The following SIPA1L2 variants were observed in gnomAD, a reference collection of about 807,000 sequenced individuals.
SIPA1L2 encodes signal induced proliferation associated 1 like 2.
Under a neutral mutation model 163.9 loss-of-function variants are expected in SIPA1L2, and 56 were observed. The ratio of observed to expected loss-of-function variants is 0.34; its 90% CI spans 0.28 to 0.43. The LOEUF is 0.43. SIPA1L2 is among the 20% of genes least tolerant of loss of function. The pLI is 1.00. For missense variants in SIPA1L2, 1,974 were observed against 2,193.5 expected (o/e 0.90, Z 2.00); for synonymous variants, 877 against 865.7 (o/e 1.01, Z -0.23).
chr1:232,557,294 G>A (rs1658769542), intron 2 of SIPA1L2, among the ~76,000 whole-genome samples: 1 of 152,136 alleles, frequency 6.6e-6, no homozygotes, highest in African/African-American at 2.4e-5. Flanking sequence ...CCATAATGTG[G>A]TTATCAGTCT....
intron 3 of SIPA1L2, among the ~76,000 whole-genome samples, chr1:232,495,279 G>C (rs186359738): frequency 9.9e-5 from 15 of 152,256 alleles, no homozygotes; most frequent in Admixed American, 8.5e-4. Context: ...GATGAAAGGT[G>C]GGGGCCGGGC....
At chr1:232,536,667 A>G (rs1261212810) in intron 2 of SIPA1L2, among the ~76,000 whole-genome samples, 1 of 152,186 alleles carries the variant, frequency 6.6e-6, no homozygotes, top group Non-Finnish European at 1.5e-5. Context: ...CAAACAAACA[A>G]AACGACAGAA....
chr1:232,482,839 C>A (rs1234191636), intron 6 of SIPA1L2, among the ~76,000 whole-genome samples: 1 of 152,218 alleles, frequency 6.6e-6, no homozygotes. Flanking sequence ...CGGCCACACC[C>A]TGACGCTCCC....
At position 232,490,915 on chromosome 1, in the gene SIPA1L2, G is replaced by C; in HGVS notation, c.1765C>G (p.Pro589Ala). Reference protein sequence around the residue: ...IQCLRQASNSPKVSEQLLKLD... With the variant: ...IQCLRQASNSAKVSEQLLKLD... Reference sequence around the variant, plus strand: ...TTGAGCAGCTGCTCTGAGACCTTGGGTGAGTTGGAAGCCTGTCGCAAACAC... The same window carrying C: ...TTGAGCAGCTGCTCTGAGACCTTGGCTGAGTTGGAAGCCTGTCGCAAACAC... The change falls in exon 5 of 23, where the codon CCC becomes GCC. Residue 589 changes from proline to alanine, a missense_variant. Physicochemically the swap from Pro to Ala is conservative, Grantham distance 27 (BLOSUM62 -1). Around this residue, in one of 3 missense-constraint regions of SIPA1L2, gnomAD observed 288 missense variants for 418.9 expected, o/e 0.69. Transcript: ENST00000674635. The C allele has an allele frequency of 2.5e-6, 4 of 1,614,094 alleles. No individual in the cohort carries two copies. The highest frequency in any genetic ancestry group is 3.4e-6 in the Non-Finnish European group (4 of 1,180,006).
At position 232,489,649 on chromosome 1, in the gene SIPA1L2, G is replaced by A. The variant is rs963359359; in HGVS notation, c.1806+1225C>T. Reference sequence around the variant, plus strand: ...CACTTTTAGAATTCTAGCCATCTGCGGTGCCAAATATTCAACTTTAACCAC... The same window carrying A: ...CACTTTTAGAATTCTAGCCATCTGCAGTGCCAAATATTCAACTTTAACCAC... On this transcript the variant is annotated intron_variant, in intron 5 of 22. Transcript: ENST00000674635. Among the ~76,000 whole-genome samples, 7 of 151,936 alleles carry A rather than the reference G, an allele frequency of 4.6e-5. No homozygotes were observed. In the East Asian group the frequency reaches 9.7e-4, roughly 21 times the overall value.
Position 232,438,715 on chromosome 1 carries a change from T to C in SIPA1L2, c.4031+393A>G, listed in dbSNP as rs539212302. ...CATGCCCTCACGGCAGGGAGCTACA[T>C]GTGCTCTACGCACATGCTGCCTTCA... On this transcript the variant is annotated intron_variant, in intron 15 of 22. Transcript: ENST00000674635. Among the ~76,000 whole-genome samples the C allele has an allele frequency of 9.2e-5, 14 of 152,380 alleles. No homozygotes were observed. The South Asian group carries it at 2.7e-3, about 29-fold the overall frequency.
chr1:232,486,509 T>C (rs1665656279), intron 5 of SIPA1L2, among the ~76,000 whole-genome samples: 2 of 152,294 alleles, frequency 1.3e-5, no homozygotes, highest in East Asian at 3.9e-4. Flanking sequence ...TCAGATGTCT[T>C]AGGACAGCTG....
chr1:232,456,928 G>A (rs1469632855), intron 10 of SIPA1L2, among the ~76,000 whole-genome samples: 1 of 152,014 alleles, frequency 6.6e-6, no homozygotes, highest in African/African-American at 2.4e-5. Context: ...ATCCCAGCAC[G>A]AGATCAGTTA....
intron 1 of SIPA1L2, among the ~76,000 whole-genome samples, chr1:232,599,668 T>C (rs989433293): frequency 1.3e-5 from 2 of 152,150 alleles, no homozygotes; most frequent in Non-Finnish European, 1.5e-5. Flanking sequence ...AGATTGGAGA[T>C]GACCAATCAT....
chr1:232,587,806 G>A (rs376000306), intron 1 of SIPA1L2, among the ~76,000 whole-genome samples: 5 of 152,062 alleles, frequency 3.3e-5, no homozygotes, highest in East Asian at 1.9e-4. Context: ...CCATGGTGGC[G>A]GTTTCCCCCA....
intron 16 of SIPA1L2, among the ~76,000 whole-genome samples, chr1:232,429,444 A>ATT (rs1477838886): frequency 4.6e-5 from 7 of 152,206 alleles, no homozygotes; most frequent in Non-Finnish European, 8.8e-5. Context: ...ATGACAGCTC[A>ATT]CTGGGAAATT....
rs199993421 is a variant in SIPA1L2 at position 232,404,130 on chromosome 1, T to C, written c.4811A>G (p.Tyr1604Cys). 4.3e-6 allele frequency: 7 copies of C among 1,614,018 alleles called. No individual in the cohort carries two copies. Among genetic ancestry groups the C allele is most frequent in the East Asian group, 4.5e-5 (2 of 44,868 alleles). ...ELGLLCHHTS[Y>C]LDQRVASFCT... ...GAGCAGCCCCAGACAATCACCTAGA[T>C]AGGACGTGTGGTGACAGAGCAGCCC... The change falls in exon 20 of 23, where the codon TAT (tyrosine) becomes TGT (cysteine). Residue 1604 changes from tyrosine to cysteine, a missense_variant. Around this residue, in one of 3 missense-constraint regions of SIPA1L2, gnomAD observed 1,079 missense variants for 1,150.7 expected, o/e 0.94. Coordinates refer to ENST00000674635, the MANE Select transcript of SIPA1L2 (RefSeq NM_020808.5).
chr1:232,557,294 GT>G (rs1435704101), intron 2 of SIPA1L2, among the ~76,000 whole-genome samples: 1 of 152,136 alleles, frequency 6.6e-6, no homozygotes, highest in Non-Finnish European at 1.5e-5. Context: ...CCATAATGTG[GT>G]TATCAGTCTC....
At chr1:232,466,960 AG>A (rs1664552227) in intron 8 of SIPA1L2, among the ~76,000 whole-genome samples, 1 of 152,224 alleles carries the variant, frequency 6.6e-6, no homozygotes, top group Non-Finnish European at 1.5e-5. Context: ...CTGATGTTGG[AG>A]TAAAGAAAGG....
intron 3 of SIPA1L2, among the ~76,000 whole-genome samples, chr1:232,495,957 TA>T (rs927326533): frequency 9.2e-5 from 14 of 152,192 alleles, no homozygotes; most frequent in African/African-American, 3.4e-4. Context: ...GTAAAAAAGT[TA>T]AAAAAATAAA....
intron 18 of SIPA1L2, among the ~76,000 whole-genome samples, chr1:232,421,357 TACCCAAA>T (rs1661566914): frequency 6.6e-6 from 1 of 152,174 alleles, no homozygotes; most frequent in South Asian, 2.1e-4. Context: ...CCCGTCTGTT[TACCCAAA>T]ACCTGAAATC....
At chr1:232,620,325 G>C (rs1317239290) in intron 1 of SIPA1L2, among the ~76,000 whole-genome samples, 1 of 152,198 alleles carries the variant, frequency 6.6e-6, no homozygotes, top group African/African-American at 2.4e-5. Context: ...GTTCCATGAA[G>C]GTAGGTGTCT....
intron 3 of SIPA1L2, among the ~76,000 whole-genome samples, chr1:232,508,000 T>C (rs898645186): frequency 2.0e-5 from 3 of 152,190 alleles, no homozygotes; most frequent in African/African-American, 7.2e-5. Flanking sequence ...TTCTTGCTTT[T>C]CTACATTTTC....
intron 19 of SIPA1L2, among the ~76,000 whole-genome samples, chr1:232,413,296 T>G (rs147322208): frequency 6.6e-6 from 1 of 152,226 alleles, no homozygotes; most frequent in African/African-American, 2.4e-5. Flanking sequence ...TCATAGTAGT[T>G]AAGTGACTTG....
Sources: gnomAD v4.1 joint callset for allele counts (sites outside exome capture counted in the v4.1 genomes callset) on GRCh38, gnomAD v4.1.1 for gene constraint, gnomAD v4.1.1 regional missense constraint, MANE v1.5 for transcripts, NCBI Gene and HGNC (gene_info 2026-07-23, HGNC 2026-07-21) for gene names.